The following SPON1 variants were observed in gnomAD, a reference collection of about 807,000 sequenced individuals.
SPON1 encodes spondin-1.
In SPON1, 52 loss-of-function variants were observed where a neutral mutation model predicts 111.7. That is an observed-to-expected ratio of 0.47 (90% CI 0.37 to 0.59). The LOEUF is 0.59. Among genes scored for constraint, SPON1 ranks in the 20% least tolerant of loss-of-function variants. The pLI, the probability that SPON1 is intolerant of heterozygous loss-of-function variation, is 0.00. For missense variants in SPON1, 957 were observed against 1,068.5 expected (o/e 0.90, Z 1.46); for synonymous variants, 410 against 395.8 (o/e 1.04, Z -0.43).
intron 6 of SPON1, among the ~76,000 whole-genome samples, chr11:14,206,256 C>A (rs553435757): frequency 5.2e-4 from 79 of 152,152 alleles, no homozygotes; most frequent in African/African-American, 1.9e-3. Context: ...TGCAGTGGCA[C>A]GATCTTGGCT....
chr11:14,133,795 A>C (rs1357656616), intron 5 of SPON1, among the ~76,000 whole-genome samples: 2 of 152,186 alleles, frequency 1.3e-5, no homozygotes, highest in African/African-American at 4.8e-5. Flanking sequence ...TAGGGATATG[A>C]GAGATGAAGG....
chr11:14,259,515 A>G lies in SPON1; in HGVS notation c.1664-19A>G. ...CGGGGAGGCAGCAGGTGCGACTCCAATGCCGCTGGCCTCCCCAGCTCCCAG... is the reference window on the plus strand; with the variant it reads ...CGGGGAGGCAGCAGGTGCGACTCCAGTGCCGCTGGCCTCCCCAGCTCCCAG... On this transcript the variant is annotated intron_variant, in intron 12 of 15. Coordinates refer to ENST00000576479, the MANE Select transcript of SPON1 (RefSeq NM_006108.4). The surrounding 1 kb of genome is among the most constrained non-coding windows in gnomAD (Gnocchi z 5.0). 1 of 1,560,270 alleles carries G rather than the reference A, an allele frequency of 6.4e-7. No individual in the cohort carries two copies.
intron 6 of SPON1, chr11:14,224,708 G>A (rs782236917): frequency 1.6e-5 from 8 of 488,148 alleles, no homozygotes; most frequent in African/African-American, 1.2e-4. Flanking sequence ...AGATGAGGAT[G>A]GTGGTGGCTG....
At chr11:14,157,712 T>C (rs934641709) in intron 6 of SPON1, among the ~76,000 whole-genome samples, 2 of 152,038 alleles carry the variant, frequency 1.3e-5, no homozygotes, top group Non-Finnish European at 2.9e-5. Flanking sequence ...TCTTATGCTT[T>C]TTTTGTATAT....
intron 6 of SPON1, among the ~76,000 whole-genome samples, chr11:14,154,573 GC>G (rs1379610379): frequency 7.9e-5 from 12 of 152,236 alleles, no homozygotes; most frequent in African/African-American, 2.9e-4. Flanking sequence ...GGGACTCTGG[GC>G]CTGTGATGGG....
At chr11:14,080,043 T>C (rs1848949392) in intron 5 of SPON1, 22 bp downstream of exon 5, 1 of 1,613,488 alleles carries the variant, frequency 6.2e-7, no homozygotes, top group African/African-American at 1.3e-5. Context: ...GGCTACTCTG[T>C]GGTTTGGGGA....
intron 5 of SPON1, among the ~76,000 whole-genome samples, chr11:14,132,418 G>A (rs549098166): frequency 1.3e-5 from 2 of 152,190 alleles, no homozygotes; most frequent in African/African-American, 4.8e-5. Context: ...CACGCTTGAG[G>A]TGCCTGTTTC....
chr11:14,246,929 A>G (rs1317452246), intron 7 of SPON1, among the ~76,000 whole-genome samples: 2 of 152,204 alleles, frequency 1.3e-5, no homozygotes, highest in African/African-American at 4.8e-5. Flanking sequence ...AACAAAGGGG[A>G]GAACATTTTA....
intron 6 of SPON1, among the ~76,000 whole-genome samples, chr11:14,185,680 C>T (rs1003911360): frequency 6.6e-6 from 1 of 152,248 alleles, no homozygotes; most frequent in Non-Finnish European, 1.5e-5. Context: ...ATTAGGAAAG[C>T]CCTTGGCCTA....
intron 6 of SPON1, among the ~76,000 whole-genome samples, chr11:14,160,917 T>A (rs868980176): frequency 1.2e-4 from 5 of 41,504 alleles, no homozygotes; most frequent in African/African-American, 4.0e-4. Flanking sequence ...ATATATATAT[T>A]TATATATTTA....
At chr11:14,133,349 G>C (rs73424131) in intron 5 of SPON1, among the ~76,000 whole-genome samples, 417 of 152,302 alleles carry the variant, frequency 2.7e-3, no homozygotes, top group African/African-American at 8.9e-3. Context: ...CTCAAGAAAC[G>C]TTCAGCCTAG....
rs1847911842 is a variant in SPON1, at chr11:14,160,574, T to TATATATATTTAC, written c.825+25015_825+25026dup. 7.1e-4 allele frequency among the ~76,000 whole-genome samples: 17 copies of TATATATATTTAC among 23,996 alleles called. 2 individuals carry two copies. Among genetic ancestry groups the TATATATATTTAC allele is most frequent in the African/African-American group, 2.9e-3 (17 of 5,794 alleles). The allele number at this position is 23,996 out of a possible 152,430, so 15.7% of individuals were successfully genotyped here. On this transcript the variant is annotated intron_variant, in intron 6 of 15. Coordinates refer to ENST00000576479, the MANE Select transcript of SPON1 (RefSeq NM_006108.4). Reference sequence around the variant, plus strand: ...ATATATATATTTATATATATATTTATATATATATTTACATATATATATTTA... The same window carrying TATATATATTTAC: ...ATATATATATTTATATATATATTTATATATATATTTACATATATATTTACATATATATATTTA...
chr11:14,164,817 T>C (rs1488921928), intron 6 of SPON1, among the ~76,000 whole-genome samples: 4 of 152,128 alleles, frequency 2.6e-5, no homozygotes, highest in African/African-American at 7.2e-5. Flanking sequence ...GGAGTGCTGA[T>C]TGGTCAGAGA....
chr11:14,095,887 C>A (rs1490529508), intron 5 of SPON1, among the ~76,000 whole-genome samples: 1 of 152,156 alleles, frequency 6.6e-6, no homozygotes, highest in Non-Finnish European at 1.5e-5. Context: ...AACAATAATC[C>A]CACTGCTTCC....
At chr11:14,209,806 T>C (rs1416611549) in intron 6 of SPON1, among the ~76,000 whole-genome samples, 2 of 152,216 alleles carry the variant, frequency 1.3e-5, no homozygotes, top group African/African-American at 4.8e-5. Flanking sequence ...AAATGGTATT[T>C]CTAGTTCTAG....
chr11:14,036,746 A>G (rs782052223), intron 2 of SPON1, among the ~76,000 whole-genome samples: 1 of 152,132 alleles, frequency 6.6e-6, no homozygotes, highest in African/African-American at 2.4e-5. Flanking sequence ...AACCTTGAGC[A>G]AGTTCAAATT....
intron 6 of SPON1, among the ~76,000 whole-genome samples, chr11:14,146,275 G>A (rs1847717725): frequency 1.3e-5 from 2 of 150,824 alleles, no homozygotes; most frequent in Non-Finnish European, 2.9e-5. Context: ...TCAGCTTCCC[G>A]AGTAGCTGGG....
At chr11:14,121,541 AAG>A (rs1554926509) in intron 5 of SPON1, among the ~76,000 whole-genome samples, 4 of 152,188 alleles carry the variant, frequency 2.6e-5, no homozygotes, top group Admixed American at 2.6e-4. Flanking sequence ...GGAAAGGCAA[AAG>A]ATGGGCTTTT....
intron 4 of SPON1, among the ~76,000 whole-genome samples, chr11:14,075,914 A>T (rs1193886545): frequency 6.6e-6 from 1 of 152,094 alleles, no homozygotes; most frequent in Non-Finnish European, 1.5e-5. Context: ...TAGTCCTTAG[A>T]TTTGCAAACT....
Sources: gnomAD v4.1 joint callset for allele counts (sites outside exome capture counted in the v4.1 genomes callset) on GRCh38, gnomAD v4.1.1 for gene constraint, Gnocchi (gnomAD v3.1) non-coding constraint, MANE v1.5 for transcripts, NCBI Gene and HGNC (gene_info 2026-07-23, HGNC 2026-07-21) for gene names.